The following DCAF6 variants were observed in gnomAD, a reference collection of about 807,000 sequenced individuals.
DCAF6 encodes the protein DDB1- and CUL4-associated factor 6.
In DCAF6, 54 loss-of-function variants were observed where a neutral mutation model predicts 125.1. The ratio of observed to expected loss-of-function variants is 0.43; its 90% CI spans 0.35 to 0.54. The LOEUF (loss-of-function observed/expected upper bound fraction) is 0.54, where lower values mean the gene tolerates loss of function less well. Among genes scored for constraint, DCAF6 ranks in the 20% least tolerant of loss-of-function variants. DCAF6 has a pLI of 0.01. For synonymous variants in DCAF6, 371 were observed against 390.4 expected (o/e 0.95, Z 0.58); for missense variants, 934 against 1,161.7 (o/e 0.80, Z 2.85).
chr1:168,075,257 C>T, intron 21 of DCAF6, 114 bp from the exon 22 acceptor site: 2 of 923,906 alleles, frequency 2.2e-6, no homozygotes, highest in Non-Finnish European at 3.2e-6. Flanking sequence ...AAGACATCCA[C>T]ACATAGTGGT....
the DCAF6 span, among the ~76,000 whole-genome samples, chr1:167,929,367 G>GA: frequency 6.3e-3 from 899 of 142,668 alleles, 9 homozygotes; most frequent in African/African-American, 0.021. Flanking sequence ...CTCGAAAAAA[G>GA]AAAAAAAAAA....
chr1:168,062,533 G>A (rs1184880999), intron 17 of DCAF6, among the ~76,000 whole-genome samples: 1 of 151,986 alleles, frequency 6.6e-6, no homozygotes, highest in East Asian at 1.9e-4. Context: ...AACATAAAAA[G>A]ATCAGTTTTT....
chr1:167,869,595 G>C, the DCAF6 span, among the ~76,000 whole-genome samples: 10 of 152,280 alleles, frequency 6.6e-5, no homozygotes, highest in African/African-American at 1.9e-4. Context: ...CCCTGACCTA[G>C]CAACTGTTGT....
intron 4 of DCAF6, among the ~76,000 whole-genome samples, chr1:167,979,847 A>C (rs568219826): frequency 1.3e-5 from 2 of 152,024 alleles, no homozygotes; most frequent in East Asian, 3.9e-4. Flanking sequence ...AGATCATGCC[A>C]CTGCACTCCA....
At chr1:167,896,782 T>C in the DCAF6 span, 332 of 893,112 alleles carry the variant, frequency 3.7e-4, no homozygotes, top group African/African-American at 4.9e-3. Context: ...GAGTATGCTT[T>C]TGACTGAACA....
Position 167,976,886 on chromosome 1 carries a change from G to GTTTTT in DCAF6, c.438+1901_438+1905dup, listed in dbSNP as rs397981860. Among the ~76,000 whole-genome samples, 103 of 38,068 alleles carry GTTTTT rather than the reference G, an allele frequency of 2.7e-3. 17 individuals are homozygous for GTTTTT. The highest frequency in any genetic ancestry group is 7.8e-3 in the East Asian group (8 of 1,024). 25.0% of individuals were successfully genotyped at this position (38,068 alleles called of 152,430 possible). The stretch of plus-strand genomic sequence containing the variant: ...TGTACTGAAGGTACATCCTTTAGCA[G>GTTTTT]TTTTTTTTTTTTTTTTTTTTTTTTT... On this transcript the variant is annotated intron_variant, in intron 4 of 21. Coordinates refer to ENST00000367840, the MANE Select transcript of DCAF6 (RefSeq NM_001198956.2).
rs78074750 is a variant in DCAF6, at chr1:167,985,683, C to T, written c.439-1812C>T. 7.9e-3 allele frequency among the ~76,000 whole-genome samples: 1,206 copies of T among 152,262 alleles called. 14 individuals carry two copies. The highest frequency in any genetic ancestry group is 0.027 in the African/African-American group (1,137 of 41,548). ...CAAATAGGATGTAGATATCTTTGGGCTACTATTATTCTGCTTACCACAATA... is the reference window on the plus strand; with the variant it reads ...CAAATAGGATGTAGATATCTTTGGGTTACTATTATTCTGCTTACCACAATA... On this transcript the variant is annotated intron_variant, in intron 4 of 21. Coordinates refer to ENST00000367840, the MANE Select transcript of DCAF6 (RefSeq NM_001198956.2).
At chr1:168,023,165 A>G in intron 12 of DCAF6, 118 bp downstream of exon 12, 1 of 1,074,208 alleles carries the variant, frequency 9.3e-7, no homozygotes, top group Non-Finnish European at 1.4e-6. Flanking sequence ...TATAGTCAGT[A>G]TTTTGTGGAC....
At chr1:167,972,328 G>A (rs1427917454) in intron 3 of DCAF6, among the ~76,000 whole-genome samples, 2 of 152,108 alleles carry the variant, frequency 1.3e-5, no homozygotes, top group African/African-American at 2.4e-5. Flanking sequence ...TACATAACAC[G>A]AATAATAATT....
intron 4 of DCAF6, 72 bp downstream of exon 4, chr1:167,975,087 G>C: frequency 3.2e-6 from 3 of 928,784 alleles, no homozygotes; most frequent in South Asian, 2.7e-5. Context: ...TACATGTGTA[G>C]ATGCATGTGT....
Position 167,966,615 on chromosome 1 carries a change from T to G in DCAF6, c.160-14T>G. ...GTCCAATTTGCTTATATTTCTTTTT[T>G]GCTTTCTCTTTAGGTTAATACAATC... On this transcript the variant is annotated splice_polypyrimidine_tract_variant and intron_variant, in intron 2 of 21. Transcript: ENST00000367840. The G allele has an allele frequency of 1.3e-6, 2 of 1,521,850 alleles. No individual in the cohort carries two copies. The highest frequency in any genetic ancestry group is 1.8e-6 in the Non-Finnish European group (2 of 1,102,638). The allele number at this position is 1,521,850 out of a possible 1,614,324, so 94.3% of individuals were successfully genotyped here.
At chr1:167,904,925 T>G in the DCAF6 span, 2 of 1,609,296 alleles carry the variant, frequency 1.2e-6, no homozygotes, top group South Asian at 2.2e-5. Flanking sequence ...GCAATCAAGC[T>G]CTGCATGTGA....
the DCAF6 span, chr1:167,880,427 G>T: frequency 4.2e-6 from 5 of 1,186,562 alleles, no homozygotes; most frequent in Non-Finnish European, 3.8e-6. Context: ...TTCCCTGCAT[G>T]CCCTCCCTAC....
At position 168,059,510 on chromosome 1, in the gene DCAF6, ATTT is replaced by A. The variant is rs1691319381; in HGVS notation, c.2301-4109_2301-4107del. Among the ~76,000 whole-genome samples the A allele has an allele frequency of 2.9e-4, 44 of 152,120 alleles. 1 individual carries two copies. Among genetic ancestry groups the A allele is most frequent in the Admixed American group, 2.8e-3 (43 of 15,278 alleles). On this transcript the variant is annotated intron_variant, in intron 17 of 21. Transcript: ENST00000367840. ...TTGGCTATTCTTTGTCCTTTGGTTG[ATTT>A]TATAATCAACTTTTTCAGTTCTACA...
At chr1:168,062,994 C>G (rs1256963271) in intron 17 of DCAF6, among the ~76,000 whole-genome samples, 1 of 151,064 alleles carries the variant, frequency 6.6e-6, no homozygotes, top group East Asian at 1.9e-4. Context: ...TCACTGCAAG[C>G]TCCGCCTCCC....
intron 12 of DCAF6, 111 bp downstream of exon 12, chr1:168,023,158 A>G: frequency 1.7e-6 from 2 of 1,160,042 alleles, no homozygotes; most frequent in East Asian, 2.5e-5. Flanking sequence ...ATGGTCTTAT[A>G]GTCAGTATTT....
At chr1:167,960,084 G>C (rs930452456) in intron 2 of DCAF6, among the ~76,000 whole-genome samples, 3 of 151,016 alleles carry the variant, frequency 2.0e-5, no homozygotes, top group African/African-American at 7.3e-5. Context: ...TATTTTTTTT[G>C]CATGTGAATA....
chr1:167,919,281 C>A, the DCAF6 span, among the ~76,000 whole-genome samples: 1 of 152,156 alleles, frequency 6.6e-6, no homozygotes, highest in African/African-American at 2.4e-5. Context: ...GTCTTTCCTT[C>A]CCTTCTACCA....
the DCAF6 span, among the ~76,000 whole-genome samples, chr1:167,913,658 C>T: frequency 0.015 from 2,320 of 150,980 alleles, 56 homozygotes; most frequent in African/African-American, 0.052. Flanking sequence ...TTGCCAGAGC[C>T]CCCTTCAAGA....
Sources: gnomAD v4.1 joint callset for allele counts (sites outside exome capture counted in the v4.1 genomes callset) on GRCh38, gnomAD v4.1.1 for gene constraint, MANE v1.5 for transcripts, NCBI Gene and HGNC (gene_info 2026-07-23, HGNC 2026-07-21) for gene names.